The following GAA variants were observed in gnomAD, a reference collection of about 807,000 sequenced individuals.
GAA encodes lysosomal alpha-glucosidase.
GAA carries 88 observed loss-of-function variants against 103.9 expected under a neutral mutation model. The ratio of observed to expected loss-of-function variants is 0.85; its 90% CI spans 0.71 to 1.01. GAA has a LOEUF of 1.01. Among genes scored for constraint, GAA ranks in the 50% least tolerant of loss-of-function variants. The pLI is 0.00. For missense variants in GAA, 1,350 were observed against 1,305.3 expected (o/e 1.03, Z -0.53); for synonymous variants, 572 against 563.1 (o/e 1.02, Z -0.22).
intron 2 of GAA, 66 bp from the exon 3 acceptor site, chr17:80,105,683 G>T: frequency 1.9e-6 from 3 of 1,586,128 alleles, no homozygotes; most frequent in Non-Finnish European, 8.6e-7. Context: ...TGTCCTTGGC[G>T]TGCGGGTTGT....
intron 1 of GAA, among the ~76,000 whole-genome samples, chr17:80,103,885 G>A (rs183219163): frequency 4.4e-4 from 67 of 152,294 alleles, no homozygotes; most frequent in African/African-American, 1.6e-3. Flanking sequence ...AAGGGAGCAA[G>A]GAAAGGTACT....
rs1192534237 is a variant in GAA at position 80,104,650 on chromosome 17, G to A, written c.64G>A (p.Ala22Thr). 2 of 1,613,240 alleles carry A rather than the reference G, an allele frequency of 1.2e-6. No homozygotes were observed. Among genetic ancestry groups the A allele is most frequent in the South Asian group, 2.2e-5 (2 of 91,086 alleles). The change falls in exon 2 of 20, where the codon GCA becomes ACA. Residue 22 changes from alanine (A) to threonine (T), a missense_variant. Coordinates refer to ENST00000302262, the MANE Select transcript of GAA (RefSeq NM_000152.5). This position sits in a 1 kb window ranked among gnomAD's most constrained non-coding sequence, Gnocchi z 4.0. ...GGCCGTCTGCGCCCTCGTGTCCTTG[G>A]CAACCGCTGCACTCCTGGGGCACAT... ...LLAVCALVSLATAALLGHILL... is the reference protein window; with the variant it reads ...LLAVCALVSLTTAALLGHILL...
chr17:80,112,519 A>G, intron 12 of GAA, 59 bp from the exon 13 acceptor site: 2 of 1,605,260 alleles, frequency 1.2e-6, no homozygotes, highest in South Asian at 2.2e-5. Flanking sequence ...CCTGCTGGTG[A>G]CAGGGTTCCC....
chr17:80,109,711 TAAA>T (rs2143863955), intron 8 of GAA, among the ~76,000 whole-genome samples: 1 of 20,104 alleles, frequency 5.0e-5, no homozygotes, highest in Admixed American at 3.2e-4. Flanking sequence ...AAAGAAAAGG[TAAA>T]GGTAAAGCTT....
At chr17:80,109,894 G>T (rs763810749) in intron 8 of GAA, 51 bp from the exon 9 acceptor site, 1 of 1,403,138 alleles carries the variant, frequency 7.1e-7, no homozygotes, top group Admixed American at 1.7e-5. Flanking sequence ...CCCCGTGGCT[G>T]GCGCCAGGGC....
chr17:80,102,049 CG>C (rs2038964462), intron 1 of GAA, 159 bp downstream of exon 1: 1 of 152,468 alleles, frequency 6.6e-6, no homozygotes, highest in Admixed American at 6.5e-5. Context: ...TAGAGATGAA[CG>C]GGGAGCCGCC....
At position 80,113,432 on chromosome 17, in the gene GAA, C is replaced by T. The variant is rs2039294729; in HGVS notation, c.2189+66C>T. 3 of 1,394,802 alleles carry T rather than the reference C, an allele frequency of 2.2e-6. No homozygotes were observed. In the South Asian group the frequency reaches 4.2e-5, roughly 20 times the overall value. The allele number at this position is 1,394,802 out of a possible 1,614,324, so 86.4% of individuals were successfully genotyped here. A position where few individuals can be genotyped will look rare whatever the true frequency, so the allele number is the denominator to read the frequency against. On this transcript the variant is annotated intron_variant, in intron 15 of 19. Coordinates refer to ENST00000302262, the MANE Select transcript of GAA (RefSeq NM_000152.5). Reference sequence around the variant, plus strand: ...GGGGGAGGGGCACGTAACTCCCAGGCAGCCCTGTCCTGCTGTGGGCTGTGT... The same window carrying T: ...GGGGGAGGGGCACGTAACTCCCAGGTAGCCCTGTCCTGCTGTGGGCTGTGT...
intron 10 of GAA, 28 bp downstream of exon 10, chr17:80,110,868 C>G (rs1318075828): frequency 3.7e-6 from 6 of 1,613,440 alleles, no homozygotes; most frequent in Non-Finnish European, 5.1e-6. Flanking sequence ...CTGAGCATCC[C>G]CAAGGCCTCT....
chr17:80,119,414 G>A lies in GAA; in HGVS notation c.*83G>A, dbSNP rs142106135. ...CTGTGTGCGGGCAGCAGCTGTGTGC[G>A]GGCCTGGGGGTTGCATGTGTCACCT... On this transcript the variant is annotated 3_prime_UTR_variant, in exon 20 of 20. Coordinates refer to ENST00000302262, the MANE Select transcript of GAA (RefSeq NM_000152.5). 68 of 1,203,158 alleles carry A rather than the reference G, an allele frequency of 5.7e-5. No homozygotes were observed. The African/African-American group carries it at 7.5e-4, about 13-fold the overall frequency. 74.5% of individuals were successfully genotyped at this position (1,203,158 alleles called of 1,614,324 possible). A position where few individuals can be genotyped will look rare whatever the true frequency, so the allele number is the denominator to read the frequency against.
intron 12 of GAA, 141 bp from the exon 13 acceptor site, chr17:80,112,437 T>G: frequency 9.4e-7 from 1 of 1,060,450 alleles, no homozygotes; most frequent in East Asian, 2.6e-5. Flanking sequence ...CCCGCAGACA[T>G]GGGCAGTAGC....
chr17:80,112,430 G>A (rs1210889609), intron 12 of GAA, 148 bp from the exon 13 acceptor site: 8 of 1,001,942 alleles, frequency 8.0e-6, no homozygotes, highest in African/African-American at 1.6e-5. Flanking sequence ...AACTGTGCCC[G>A]CAGACATGGG....
At chr17:80,103,634 CA>C (rs992712888) in intron 1 of GAA, among the ~76,000 whole-genome samples, 1 of 152,148 alleles carries the variant, frequency 6.6e-6, no homozygotes, top group African/African-American at 2.4e-5. Flanking sequence ...AGCGAACCCC[CA>C]TATCTCATCT....
rs567695610 is a variant in GAA at position 80,111,019 on chromosome 17, G to A, written c.1630G>A (p.Val544Met). ...CAATGAGCTGGAGAACCCACCCTAC[G>A]TGCCTGGTCAGCTCGCCCCCCACCT... ...PNNELENPPY[V>M]PGVVGGTLQA... The change falls in exon 11 of 20, where the codon GTG becomes ATG. Residue 544 changes from valine to methionine, a missense_variant. Coordinates refer to ENST00000302262, the MANE Select transcript of GAA (RefSeq NM_000152.5). 159 of 1,613,596 alleles carry A rather than the reference G, an allele frequency of 9.9e-5. No homozygotes were observed. Among genetic ancestry groups the A allele is most frequent in the Middle Eastern group, 4.9e-4 (3 of 6,084 alleles).
intron 2 of GAA, 147 bp from the exon 3 acceptor site, chr17:80,105,602 C>A: frequency 2.1e-6 from 2 of 937,920 alleles, no homozygotes; most frequent in Non-Finnish European, 3.3e-6. Context: ...GATGAGGGAG[C>A]CGAGGCTCAG....
At position 80,109,904 on chromosome 17, in the gene GAA, C is replaced by T. The variant is rs370508999; in HGVS notation, c.1327-41C>T. On this transcript the variant is annotated intron_variant, in intron 8 of 19. Coordinates refer to ENST00000302262, the MANE Select transcript of GAA (RefSeq NM_000152.5). ...GTTTTCCCCGTGGCTGGCGCCAGGG[C>T]TCTGGGCCACCCTCACCTTGACAGG... is the stretch of plus-strand genomic sequence containing the variant. 6 of 1,525,328 alleles carry T rather than the reference C, an allele frequency of 3.9e-6. No individual in the cohort carries two copies. In the African/African-American group the frequency reaches 4.1e-5, roughly 10 times the overall value. The allele number at this position is 1,525,328 out of a possible 1,614,324, so 94.5% of individuals were successfully genotyped here. A position where few individuals can be genotyped will look rare whatever the true frequency, so the allele number is the denominator to read the frequency against.
chr17:80,109,648 A>G (rs1378504610), intron 8 of GAA, among the ~76,000 whole-genome samples: 1 of 152,112 alleles, frequency 6.6e-6, no homozygotes, highest in Non-Finnish European at 1.5e-5. Flanking sequence ...ACATTTTTTT[A>G]ATTATAAAAG....
chr17:80,109,913 A>C, intron 8 of GAA, 32 bp from the exon 9 acceptor site: 1 of 1,569,848 alleles, frequency 6.4e-7, no homozygotes, highest in Non-Finnish European at 8.8e-7. Flanking sequence ...GCTCTGGGCC[A>C]CCCTCACCTT....
chr17:80,113,569 C>T (rs1235905532), intron 15 of GAA, among the ~76,000 whole-genome samples: 6 of 152,332 alleles, frequency 3.9e-5, no homozygotes, highest in Middle Eastern at 6.8e-3. Context: ...GTAGTACACA[C>T]GAGGAGTTCC....
rs762800556 is a variant in GAA at position 80,113,336 on chromosome 17, G to A, written c.2159G>A (p.Gly720Glu). 1.9e-6 allele frequency: 3 copies of A among 1,593,472 alleles called. No individual in the cohort carries two copies. The South Asian group carries it at 3.4e-5, about 18-fold the overall frequency. ...CTGTTCCACCAGGCCCACGTCGCGG[G>A]GGAGACCGTGGCCCGGCCCCTCTTC... ...YTLFHQAHVA[G>E]ETVARPLFLE... The change falls in exon 15 of 20, where the codon GGG becomes GAG. Residue 720 changes from glycine (G) to glutamate (E), a missense_variant. Transcript: ENST00000302262.
Sources: allele counts gnomAD v4.1 joint callset (sites outside exome capture counted in the v4.1 genomes callset), GRCh38; gene constraint gnomAD v4.1.1; non-coding constraint Gnocchi (gnomAD v3.1); transcripts MANE v1.5; gene names NCBI Gene and HGNC (gene_info 2026-07-23, HGNC 2026-07-21).